The following ACTR3C variants were observed in gnomAD, a reference collection of about 807,000 sequenced individuals.
ACTR3C encodes the protein actin related protein 3C.
In ACTR3C, 18 loss-of-function variants were observed where a neutral mutation model predicts 26.3. The ratio of observed to expected loss-of-function variants is 0.68; its 90% CI spans 0.47 to 1.01. The LOEUF (loss-of-function observed/expected upper bound fraction) is 1.01. ACTR3C is among the 50% of genes least tolerant of loss of function. The pLI, the probability that ACTR3C is intolerant of heterozygous loss-of-function variation, is 0.00. For synonymous variants in ACTR3C, 55 were observed against 94.5 expected (o/e 0.58, Z 2.42); for missense variants, 184 against 250.7 (o/e 0.73, Z 1.80).
the ACTR3C span, among the ~76,000 whole-genome samples, chr7:150,219,292 C>T: frequency 6.9e-6 from 1 of 144,510 alleles, no homozygotes; most frequent in Non-Finnish European, 1.5e-5. Flanking sequence ...AAAGTGTACA[C>T]ACAAAAATAG....
chr7:150,084,715 A>G, the ACTR3C span, among the ~76,000 whole-genome samples: 1 of 152,336 alleles, frequency 6.6e-6, no homozygotes, highest in South Asian at 2.1e-4. Context: ...ATTGGAGGTC[A>G]GTAAGGAGCT....
At chr7:150,284,217 A>G (rs28668567) in intron 6 of ACTR3C, among the ~76,000 whole-genome samples, 6,491 of 152,252 alleles carry the variant, frequency 0.043, 432 homozygotes, top group African/African-American at 0.15. Flanking sequence ...ATCTTGTCAG[A>G]TAAAAATAAA....
the ACTR3C span, among the ~76,000 whole-genome samples, chr7:150,110,678 A>C: frequency 1.9e-5 from 2 of 106,124 alleles, no homozygotes; most frequent in African/African-American, 4.0e-5. Context: ...GAGGGCGGGG[A>C]TGATCAGTGG....
At chr7:150,254,763 A>G (rs959636098) in intron 6 of ACTR3C, among the ~76,000 whole-genome samples, 2 of 152,172 alleles carry the variant, frequency 1.3e-5, no homozygotes, top group Non-Finnish European at 2.9e-5. Flanking sequence ...ACAGCACCCA[A>G]TTAAAGCTGT....
chr7:150,077,884 G>A, the ACTR3C span, among the ~76,000 whole-genome samples: 1 of 152,184 alleles, frequency 6.6e-6, no homozygotes, highest in African/African-American at 2.4e-5. Context: ...CTGCTGGTGA[G>A]TTCCTTTGTC....
the ACTR3C span, among the ~76,000 whole-genome samples, chr7:150,180,547 C>G: frequency 7.3e-6 from 1 of 137,240 alleles, no homozygotes; most frequent in Non-Finnish European, 1.5e-5. Flanking sequence ...GAGTCTCGCT[C>G]TGTCGCCCAG....
At chr7:149,975,828 T>C in the ACTR3C span, among the ~76,000 whole-genome samples, 2 of 152,136 alleles carry the variant, frequency 1.3e-5, no homozygotes, top group Non-Finnish European at 2.9e-5. Flanking sequence ...GAACTCATTG[T>C]CACAAGAACA....
downstream of ACTR3C, chr7:150,244,536 T>C (rs1016684552): frequency 7.9e-5 from 12 of 151,988 alleles, no homozygotes; most frequent in African/African-American, 2.9e-4. Context: ...GCAAAAATAC[T>C]CAACTTCTTC....
chr7:149,906,424 T>C, the ACTR3C span, among the ~76,000 whole-genome samples: 332 of 10,508 alleles, frequency 0.032, 15 homozygotes, highest in African/African-American at 0.045. Flanking sequence ...TTTTTTTTTT[T>C]TTTTTTTTTT....
chr7:150,158,942 C>G, the ACTR3C span, among the ~76,000 whole-genome samples: 2 of 149,660 alleles, frequency 1.3e-5, no homozygotes, highest in Non-Finnish European at 3.0e-5. Context: ...CGCAGACACA[C>G]GGGCACACAC....
At chr7:149,899,997 G>A in the ACTR3C span, among the ~76,000 whole-genome samples, 1 of 144,748 alleles carries the variant, frequency 6.9e-6, no homozygotes, top group African/African-American at 2.6e-5. Context: ...TTTTTGTGCT[G>A]AAAGAACTGT....
chr7:149,909,768 T>G, the ACTR3C span: 3 of 377,946 alleles, frequency 7.9e-6, no homozygotes, highest in African/African-American at 7.3e-5. Context: ...ATTGGATTAA[T>G]GTCTTTTATT....
the ACTR3C span, among the ~76,000 whole-genome samples, chr7:150,003,714 G>T: frequency 2.6e-5 from 4 of 152,076 alleles, no homozygotes; most frequent in Non-Finnish European, 5.9e-5. Context: ...TGTATGTGTG[G>T]TGTCTGGTGT....
At chr7:149,904,055 G>A in the ACTR3C span, among the ~76,000 whole-genome samples, 17,008 of 115,904 alleles carry the variant, frequency 0.15, 2,741 homozygotes, top group East Asian at 0.48. Context: ...AAGTAGCTGG[G>A]ATTACAGGTG....
the ACTR3C span, among the ~76,000 whole-genome samples, chr7:149,958,030 G>A: frequency 2.0e-5 from 3 of 152,172 alleles, no homozygotes; most frequent in African/African-American, 7.2e-5. Flanking sequence ...TAAGTACCAG[G>A]AGGCTTCACT....
At chr7:149,967,732 T>C in the ACTR3C span, among the ~76,000 whole-genome samples, 2 of 152,026 alleles carry the variant, frequency 1.3e-5, no homozygotes, top group Non-Finnish European at 2.9e-5. Context: ...CCACAATGAG[T>C]GTATTGCAGG....
chr7:150,194,957 G>A, the ACTR3C span, among the ~76,000 whole-genome samples: 1 of 151,946 alleles, frequency 6.6e-6, no homozygotes, highest in Admixed American at 6.6e-5. Context: ...AGCCGAGAGT[G>A]ATGATGCGTG....
intron 6 of ACTR3C, among the ~76,000 whole-genome samples, chr7:150,264,407 C>T (rs1490356814): frequency 6.6e-6 from 1 of 152,136 alleles, no homozygotes; most frequent in Non-Finnish European, 1.5e-5. Flanking sequence ...TTGGGATGGC[C>T]TGTGCCATCA....
the ACTR3C span, among the ~76,000 whole-genome samples, chr7:150,030,689 T>C: frequency 6.6e-6 from 1 of 152,184 alleles, no homozygotes. Context: ...TCGCTCCTAC[T>C]CTTGTCTCTG....
Sources: gnomAD v4.1 joint callset for allele counts (sites outside exome capture counted in the v4.1 genomes callset) on GRCh38, gnomAD v4.1.1 for gene constraint, MANE v1.5 for transcripts, NCBI Gene and HGNC (gene_info 2026-07-23, HGNC 2026-07-21) for gene names.